The following HEBP2 variants were observed in gnomAD, a reference collection of about 807,000 sequenced individuals.
HEBP2 encodes the protein heme binding protein 2.
HEBP2 carries 27 observed loss-of-function variants against 23.1 expected under a neutral mutation model. The observed-to-expected ratio is 1.17, with a 90% confidence interval of 0.86 to 1.61. The LOEUF is 1.61. HEBP2 is among the 40% of genes most tolerant of loss of function. The pLI is 0.00. For synonymous variants in HEBP2, 99 were observed against 95.1 expected (o/e 1.04, Z -0.24); for missense variants, 245 against 253.8 (o/e 0.97, Z 0.24).
At chr6:138,407,124 G>T (rs1412483050) in intron 3 of HEBP2, among the ~76,000 whole-genome samples, 4 of 152,318 alleles carry the variant, frequency 2.6e-5, no homozygotes, top group Non-Finnish European at 4.4e-5. Flanking sequence ...CATCTCACAT[G>T]CAGAATACAT....
intron 3 of HEBP2, among the ~76,000 whole-genome samples, chr6:138,407,858 C>G (rs1174962782): frequency 6.6e-6 from 1 of 152,206 alleles, no homozygotes; most frequent in Non-Finnish European, 1.5e-5. Flanking sequence ...ACAGCCCAGG[C>G]CACACCTCAG....
chr6:138,404,449 G>T lies in HEBP2; in HGVS notation c.-47G>T. On this transcript the variant is annotated 5_prime_UTR_variant, in exon 1 of 4. Coordinates refer to ENST00000607197, the MANE Select transcript of HEBP2 (RefSeq NM_014320.3). ...ACGCAGGCGGGGCGGCCCGGGGTGC[G>T]GGGCCTCTGCGCGGCTGACCAGGCT... is the stretch of plus-strand genomic sequence containing the variant. The T allele has an allele frequency of 8.4e-7, 1 of 1,189,830 alleles. No individual in the cohort carries two copies. The highest frequency in any genetic ancestry group is 1.1e-6 in the Non-Finnish European group (1 of 949,372). 73.7% of individuals were successfully genotyped at this position (1,189,830 alleles called of 1,614,324 possible). A position where few individuals can be genotyped will look rare whatever the true frequency, so the allele number is the denominator to read the frequency against.
At position 138,405,993 on chromosome 6, in the gene HEBP2, T is replaced by G; in HGVS notation, c.261T>G (p.Ala87=). ...CAGAGATGAAAATAAAGATGACAGC[T>G]CCAGTGACAAGCTACGTGGAGCCTG... ...NEKEMKIKMT[A]PVTSYVEPGS... is the part of the protein sequence containing the mutation. Residue 87 remains alanine, a synonymous_variant, in exon 3 of 4, where the codon GCT becomes GCG. Transcript: ENST00000607197. 6.2e-7 allele frequency: 1 copy of G among 1,613,022 alleles called. No individual in the cohort carries two copies. Among genetic ancestry groups the G allele is most frequent in the South Asian group, 1.1e-5 (1 of 90,622 alleles).
chr6:138,404,489 G>C lies in HEBP2; in HGVS notation c.-7G>C, dbSNP rs529004959. On this transcript the variant is annotated 5_prime_UTR_variant, in exon 1 of 4. Transcript: ENST00000607197. ...CTGACCAGGCTCCCAGAGCGTCAGCGCCGCCCATGGCCGAGCCGCTCCAGC... is the reference window on the plus strand; with the variant it reads ...CTGACCAGGCTCCCAGAGCGTCAGCCCCGCCCATGGCCGAGCCGCTCCAGC... 12 of 1,273,608 alleles carry C rather than the reference G, an allele frequency of 9.4e-6. No individual in the cohort carries two copies. The highest frequency in any genetic ancestry group is 1.1e-5 in the Non-Finnish European group (11 of 1,010,552). 78.9% of individuals were successfully genotyped at this position (1,273,608 alleles called of 1,614,324 possible).
intron 3 of HEBP2, chr6:138,412,102 T>C (rs1358837216): frequency 2.2e-6 from 1 of 445,692 alleles, no homozygotes; most frequent in South Asian, 1.6e-5. Flanking sequence ...AAAGGGGCAA[T>C]GTGCAAGTGA....
At chr6:138,410,923 T>A (rs1458383131) in intron 3 of HEBP2, among the ~76,000 whole-genome samples, 2 of 152,224 alleles carry the variant, frequency 1.3e-5, no homozygotes, top group African/African-American at 4.8e-5. Flanking sequence ...CTTGACAGGA[T>A]TAAAAGGGAA....
rs575062096 is a variant in HEBP2 at position 138,412,696 on chromosome 6, C to T, written c.420-184C>T. On this transcript the variant is annotated intron_variant, in intron 3 of 3. Coordinates refer to ENST00000607197, the MANE Select transcript of HEBP2 (RefSeq NM_014320.3). ...CTTGAACTCCTGACCTCAAGTGATC[C>T]GCCCACCTTGGCCTCCCAAAGTCCT... Among the ~76,000 whole-genome samples the T allele has an allele frequency of 3.0e-4, 46 of 152,234 alleles. 1 individual carries two copies. The Middle Eastern group carries it at 0.014, about 45-fold the overall frequency.
chr6:138,420,895 G>A lies in HEBP2; in HGVS notation c.*7817G>A, dbSNP rs911172470. The stretch of plus-strand genomic sequence containing the variant: ...AGTAGGATCATGCCCCTCACTGATA[G>A]CTCAACCACGTTTTCTATCTTTGGG... On this transcript the variant is annotated 3_prime_UTR_variant, in exon 4 of 4. Coordinates refer to ENST00000607197, the MANE Select transcript of HEBP2 (RefSeq NM_014320.3). 8 of 152,196 alleles carry A rather than the reference G, an allele frequency of 5.3e-5. No homozygotes were observed. Among genetic ancestry groups the A allele is most frequent in the Non-Finnish European group, 7.3e-5 (5 of 68,042 alleles). The allele number at this position is 152,196 out of a possible 1,614,324, so 9.4% of individuals were successfully genotyped here.
intron 3 of HEBP2, among the ~76,000 whole-genome samples, chr6:138,409,286 G>A (rs1434673378): frequency 2.6e-5 from 4 of 152,178 alleles, no homozygotes; most frequent in Non-Finnish European, 4.4e-5. Context: ...AAAGCATTGG[G>A]TTTACAAGCA....
intron 3 of HEBP2, among the ~76,000 whole-genome samples, chr6:138,411,132 C>T (rs1157101984): frequency 6.6e-6 from 1 of 152,168 alleles, no homozygotes; most frequent in South Asian, 2.1e-4. Context: ...TATTCTTAAC[C>T]CTCAAAATCA....
At chr6:138,404,853 G>A (rs1387821855) in intron 1 of HEBP2, among the ~76,000 whole-genome samples, 1 of 152,140 alleles carries the variant, frequency 6.6e-6, no homozygotes, top group African/African-American at 2.4e-5. Context: ...CCCAGAACGC[G>A]CGGTGGAACC....
Position 138,414,184 on chromosome 6 carries a change from A to C in HEBP2, c.*1106A>C, listed in dbSNP as rs1023341154. The C allele has an allele frequency of 2.0e-5, 3 of 152,448 alleles. No homozygotes were observed. The highest frequency in any genetic ancestry group is 3.4e-3 in the Middle Eastern group (1 of 294). The allele number at this position is 152,448 out of a possible 1,614,324, so 9.4% of individuals were successfully genotyped here. On this transcript the variant is annotated 3_prime_UTR_variant, in exon 4 of 4. Coordinates refer to ENST00000607197, the MANE Select transcript of HEBP2 (RefSeq NM_014320.3). ...GGTGACAGTGTTAAAGGGAGAGGCC[A>C]CGTTCAGTACCCAGAACAAAAAGCT...
Position 138,405,195 on chromosome 6 carries a change from G to A in HEBP2, c.153G>A (p.Thr51=), listed in dbSNP as rs760890007. 1 of 1,614,146 alleles carries A rather than the reference G, an allele frequency of 6.2e-7. No individual in the cohort carries two copies. Among genetic ancestry groups the A allele is most frequent in the Non-Finnish European group, 8.5e-7 (1 of 1,179,988 alleles). Reference sequence around the variant, plus strand: ...ATGGACCAGCCAAGTGGGTCAGCACGTCCGTGGAGTCTATGGACTGGGATT... The same window carrying A: ...ATGGACCAGCCAAGTGGGTCAGCACATCCGTGGAGTCTATGGACTGGGATT... ...RHYGPAKWVS[T]SVESMDWDSA... The change falls in exon 2 of 4, where the codon ACG becomes ACA. Residue 51 remains threonine, a synonymous_variant. Transcript: ENST00000607197.
At position 138,415,494 on chromosome 6, in the gene HEBP2, C is replaced by T. The variant is rs1398775779; in HGVS notation, c.*2416C>T. On this transcript the variant is annotated 3_prime_UTR_variant, in exon 4 of 4. Coordinates refer to ENST00000607197, the MANE Select transcript of HEBP2 (RefSeq NM_014320.3). Reference sequence around the variant, plus strand: ...ATATGGGAAGGGTGGATAAAAGAGACAAGGACAGTGGGCTTCCATGGTTAT... The same window carrying T: ...ATATGGGAAGGGTGGATAAAAGAGATAAGGACAGTGGGCTTCCATGGTTAT... The T allele has an allele frequency of 2.0e-5, 3 of 152,150 alleles. No individual in the cohort carries two copies. The highest frequency in any genetic ancestry group is 6.6e-5 in the Admixed American group (1 of 15,264). 9.4% of individuals were successfully genotyped at this position (152,150 alleles called of 1,614,324 possible). A position where few individuals can be genotyped will look rare whatever the true frequency, so the allele number is the denominator to read the frequency against.
Position 138,421,463 on chromosome 6 carries a change from G to A in HEBP2, c.*8385G>A, listed in dbSNP as rs1774928434. The A allele has an allele frequency of 6.6e-6, 1 of 152,208 alleles. No homozygotes were observed. Among genetic ancestry groups the A allele is most frequent in the Non-Finnish European group, 1.5e-5 (1 of 68,048 alleles). 9.4% of individuals were successfully genotyped at this position (152,208 alleles called of 1,614,324 possible). ...AGGATGGCAGAAAGCAGATCGCATT[G>A]AGGTTGTTTCCAACTGACAGACCAA... On this transcript the variant is annotated 3_prime_UTR_variant, in exon 4 of 4. Coordinates refer to ENST00000607197, the MANE Select transcript of HEBP2 (RefSeq NM_014320.3).
intron 3 of HEBP2, 122 bp from the exon 4 acceptor site, chr6:138,412,758 G>A: frequency 1.2e-6 from 1 of 816,418 alleles, no homozygotes; most frequent in South Asian, 1.7e-5. Flanking sequence ...CTGGCCGAGA[G>A]GGAGTAACTT....
At chr6:138,405,058 C>A in intron 1 of HEBP2, 87 bp from the exon 2 acceptor site, 1 of 1,460,796 alleles carries the variant, frequency 6.8e-7, no homozygotes, top group Non-Finnish European at 9.4e-7. Flanking sequence ...GGCTCCAGGT[C>A]GACCCGAGAT....
At chr6:138,405,587 G>GTACCAAGAT (rs1774630964) in intron 2 of HEBP2, among the ~76,000 whole-genome samples, 1 of 152,176 alleles carries the variant, frequency 6.6e-6, no homozygotes, top group African/African-American at 2.4e-5. Flanking sequence ...AGGCAAGAAG[G>GTACCAAGAT]TACCAAGATT....
chr6:138,405,338 TTGAG>T, intron 2 of HEBP2, 58 bp downstream of exon 2: 1 of 1,593,968 alleles, frequency 6.3e-7, no homozygotes, highest in Non-Finnish European at 8.6e-7. Context: ...GGGCTTATTA[TTGAG>T]TTTTAGCTTA....
Sources: allele counts gnomAD v4.1 joint callset (sites outside exome capture counted in the v4.1 genomes callset), GRCh38; gene constraint gnomAD v4.1.1; transcripts MANE v1.5; gene names NCBI Gene and HGNC (gene_info 2026-07-23, HGNC 2026-07-21).